The following DENND5B variants were observed in gnomAD, a reference collection of about 807,000 sequenced individuals.
DENND5B encodes the protein DENN domain containing 5B.
A neutral mutation model predicts 140.6 loss-of-function variants in DENND5B; 34 were observed. That is an observed-to-expected ratio of 0.24 (90% CI 0.18 to 0.32). The LOEUF is 0.32. DENND5B is among the 10% of genes least tolerant of loss of function. The probability of loss-of-function intolerance (pLI) is 1.00; values close to 1 mark genes in which losing one functional copy is unlikely to be tolerated. For missense variants in DENND5B, 1,142 were observed against 1,560.2 expected, an observed-to-expected ratio of 0.73 and a Z score of 4.52; for synonymous variants, 551 against 562.1, an observed-to-expected ratio of 0.98 and a Z score of 0.28.
chr12:31,581,487 G>A (rs1032354395), intron 1 of DENND5B, among the ~76,000 whole-genome samples: 2 of 151,938 alleles, frequency 1.3e-5, no homozygotes, highest in African/African-American at 4.8e-5. Flanking sequence ...TCGGGAGCCC[G>A]AGACCAGCCT....
At chr12:31,439,705 G>A (rs757626757) in intron 7 of DENND5B, among the ~76,000 whole-genome samples, 61 of 151,826 alleles carry the variant, frequency 4.0e-4, no homozygotes, top group African/African-American at 1.3e-3. Flanking sequence ...CGAGGTGGGC[G>A]GATAACCTGA....
intron 1 of DENND5B, chr12:31,506,443 A>T (rs1231309412): frequency 1.3e-5 from 2 of 152,196 alleles, no homozygotes; most frequent in Non-Finnish European, 2.9e-5. Flanking sequence ...TTCACTGAAA[A>T]CCAAAATTTC....
At chr12:31,429,257 T>C (rs1375506272) in intron 8 of DENND5B, among the ~76,000 whole-genome samples, 2 of 152,126 alleles carry the variant, frequency 1.3e-5, no homozygotes, top group Non-Finnish European at 2.9e-5. Flanking sequence ...TCTGCCCGCC[T>C]TGGCCTCCCA....
intron 1 of DENND5B, among the ~76,000 whole-genome samples, chr12:31,563,838 C>T (rs767098781): frequency 3.3e-5 from 5 of 152,032 alleles, no homozygotes; most frequent in African/African-American, 7.2e-5. Flanking sequence ...GAAAGTGGGC[C>T]GGTTGTGGTG....
chr12:31,539,573 A>T (rs1409114758), intron 1 of DENND5B, among the ~76,000 whole-genome samples: 1 of 152,208 alleles, frequency 6.6e-6, no homozygotes, highest in Non-Finnish European at 1.5e-5. Context: ...ATAGTTCAAC[A>T]TATGCAAATC....
chr12:31,551,659 T>C (rs1949065990), intron 1 of DENND5B, among the ~76,000 whole-genome samples: 1 of 152,204 alleles, frequency 6.6e-6, no homozygotes, highest in Non-Finnish European at 1.5e-5. Context: ...TTGGGCAGTA[T>C]GGCCATTTTC....
chr12:31,404,987 T>C (rs1000984879), intron 14 of DENND5B, among the ~76,000 whole-genome samples: 2 of 152,084 alleles, frequency 1.3e-5, no homozygotes. Flanking sequence ...CTCGAACTCC[T>C]GACCTCAGGT....
At chr12:31,424,774 CCCTTCATTATA>C in intron 9 of DENND5B, 87 bp from the exon 10 acceptor site, 1 of 1,519,052 alleles carries the variant, frequency 6.6e-7, no homozygotes, top group African/African-American at 1.4e-5. Flanking sequence ...GACTTGGTTT[CCCTTCATTATA>C]CTTCTATTTG....
At chr12:31,404,758 G>GTTTT (rs1565546658) in intron 14 of DENND5B, among the ~76,000 whole-genome samples, 1 of 10,668 alleles carries the variant, frequency 9.4e-5, no homozygotes, top group Non-Finnish European at 2.3e-4. Context: ...CCGACCTCTA[G>GTTTT]CTTTTTTTTT....
intron 1 of DENND5B, among the ~76,000 whole-genome samples, chr12:31,524,464 C>A (rs1948016271): frequency 6.6e-6 from 1 of 152,096 alleles, no homozygotes. Context: ...ACCAGCCTGG[C>A]CAACATGGTG....
intron 3 of DENND5B, among the ~76,000 whole-genome samples, chr12:31,472,474 T>C (rs1047099344): frequency 1.3e-5 from 2 of 152,104 alleles, no homozygotes; most frequent in Non-Finnish European, 2.9e-5. Context: ...GTATTTTCAG[T>C]AGAGACAGGG....
intron 14 of DENND5B, among the ~76,000 whole-genome samples, chr12:31,408,691 C>T (rs765898517): frequency 6.7e-6 from 1 of 149,858 alleles, no homozygotes; most frequent in African/African-American, 2.5e-5. Flanking sequence ...GAATGATGTC[C>T]AATTGCATAA....
intron 6 of DENND5B, chr12:31,443,736 A>T (rs1469348657): frequency 6.6e-6 from 1 of 152,238 alleles, no homozygotes; most frequent in Non-Finnish European, 1.5e-5. Flanking sequence ...CTGTAAAAAC[A>T]AGGAACGGTG....
intron 14 of DENND5B, among the ~76,000 whole-genome samples, chr12:31,404,916 C>T (rs1469726816): frequency 6.6e-6 from 1 of 151,888 alleles, no homozygotes; most frequent in African/African-American, 2.4e-5. Flanking sequence ...CACACCACCA[C>T]GGCCAGCTAT....
intron 3 of DENND5B, among the ~76,000 whole-genome samples, chr12:31,473,767 C>T (rs1176867926): frequency 6.6e-6 from 1 of 152,140 alleles, no homozygotes; most frequent in Non-Finnish European, 1.5e-5. Context: ...TGGAAAAACA[C>T]TCTAATGGGA....
chr12:31,483,377 A>T (rs1458831870), intron 2 of DENND5B, among the ~76,000 whole-genome samples: 1 of 152,070 alleles, frequency 6.6e-6, no homozygotes, highest in Non-Finnish European at 1.5e-5. Flanking sequence ...TGGTTTTTGC[A>T]TTGTTGGAAT....
At chr12:31,496,172 T>A (rs898480599) in intron 1 of DENND5B, among the ~76,000 whole-genome samples, 25 of 152,234 alleles carry the variant, frequency 1.6e-4, no homozygotes, top group Admixed American at 2.0e-4. Context: ...AATATGGTAA[T>A]ATAATCATTG....
chr12:31,576,141 C>CAAA (rs71445806), intron 1 of DENND5B, among the ~76,000 whole-genome samples: 2 of 24,602 alleles, frequency 8.1e-5, no homozygotes, highest in Admixed American at 4.6e-4. Context: ...GCTCTGTCTC[C>CAAA]AAAAAAAAAA....
intron 8 of DENND5B, among the ~76,000 whole-genome samples, chr12:31,427,244 T>TA (rs1943281264): frequency 6.6e-6 from 1 of 152,100 alleles, no homozygotes; most frequent in African/African-American, 2.4e-5. Context: ...GAATTTCTAT[T>TA]AAAAAAATCA....
Sources: allele counts gnomAD v4.1 joint callset (sites outside exome capture counted in the v4.1 genomes callset), GRCh38; gene constraint gnomAD v4.1.1; transcripts MANE v1.5; gene names NCBI Gene and HGNC (gene_info 2026-07-23, HGNC 2026-07-21).